FAM20A: variants seen among roughly 807,000 people sequenced by gnomAD.
FAM20A encodes the protein pseudokinase FAM20A.
FAM20A carries 42 observed loss-of-function variants against 52.0 expected under a neutral mutation model. The observed-to-expected ratio is 0.81, with a 90% CI of 0.63 to 1.04. The LOEUF is 1.04. Among genes scored for constraint, FAM20A ranks in the 50% least tolerant of loss-of-function variants. The pLI, the probability that FAM20A is intolerant of heterozygous loss-of-function variation, is 0.00. For synonymous variants in FAM20A, 304 were observed against 298.9 expected (o/e 1.02, Z -0.18); for missense variants, 742 against 712.7 (o/e 1.04, Z -0.47).
intron 1 of FAM20A, among the ~76,000 whole-genome samples, chr17:68,592,089 C>T (rs2907386): frequency 1.3e-5 from 2 of 152,136 alleles, no homozygotes; most frequent in African/African-American, 4.8e-5. Context: ...CAACTGGACT[C>T]AGTGGGATCC....
intron 1 of FAM20A, among the ~76,000 whole-genome samples, chr17:68,573,489 CCTTT>C (rs1381323463): frequency 6.9e-5 from 10 of 144,854 alleles, no homozygotes; most frequent in South Asian, 6.6e-4. Context: ...TTCTTTCTTT[CCTTT>C]CTTTCTCTCT....
At chr17:68,590,425 GAA>G (rs1276883172) in intron 1 of FAM20A, 2 of 151,656 alleles carry the variant, frequency 1.3e-5, no homozygotes, top group Non-Finnish European at 3.0e-5. Flanking sequence ...TTTTTCAGGA[GAA>G]AGAGACGTGA....
At chr17:68,577,593 G>A (rs2087810610) in intron 1 of FAM20A, among the ~76,000 whole-genome samples, 1 of 152,254 alleles carries the variant, frequency 6.6e-6, no homozygotes. Context: ...CCAAATGTCA[G>A]TAATGCTGAG....
chr17:68,584,550 G>A (rs2088114042), intron 1 of FAM20A, among the ~76,000 whole-genome samples: 1 of 152,156 alleles, frequency 6.6e-6, no homozygotes, highest in Admixed American at 6.5e-5. Flanking sequence ...TAGACGCAAA[G>A]GACAAGAAGC....
At position 68,537,874 on chromosome 17, in the gene FAM20A, T is replaced by C; in HGVS notation, c.1362-133A>G. 9.8e-7 allele frequency: 1 copy of C among 1,023,642 alleles called. No individual in the cohort carries two copies. The allele number at this position is 1,023,642 out of a possible 1,614,324, so 63.4% of individuals were successfully genotyped here. A position where few individuals can be genotyped will look rare whatever the true frequency, so the allele number is the denominator to read the frequency against. ...TCCTTGTGTCTTCTCAGGCACATTT[T>C]AATGGAAACCAGGTAAAAAGGGAAC... On this transcript the variant is annotated intron_variant, in intron 10 of 10. Coordinates refer to ENST00000592554, the MANE Select transcript of FAM20A (RefSeq NM_017565.4). The surrounding 1 kb of genome is among the most constrained non-coding windows in gnomAD (Gnocchi z 4.2).
At position 68,535,643 on chromosome 17, in the gene FAM20A, C is replaced by T. The variant is rs1381373903; in HGVS notation, c.*1834G>A. ...GGAAATCTTTGGGATTAAGGTTTCT[C>T]TGTTAAAGAGTTGATTTAAAAAAAA... is the stretch of plus-strand genomic sequence containing the variant. On this transcript the variant is annotated 3_prime_UTR_variant, in exon 11 of 11. Coordinates refer to ENST00000592554, the MANE Select transcript of FAM20A (RefSeq NM_017565.4). 2 of 452,862 alleles carry T rather than the reference C, an allele frequency of 4.4e-6. No homozygotes were observed. The highest frequency in any genetic ancestry group is 8.8e-6 in the Non-Finnish European group (2 of 226,452). 28.1% of individuals were successfully genotyped at this position (452,862 alleles called of 1,614,324 possible).
At chr17:68,539,693 C>T (rs933732682) in intron 9 of FAM20A, among the ~76,000 whole-genome samples, 192 bp downstream of exon 9, 2 of 152,226 alleles carry the variant, frequency 1.3e-5, no homozygotes, top group African/African-American at 4.8e-5. Flanking sequence ...TGCTCTCAGG[C>T]TGGAGGAGGA....
intron 4 of FAM20A, among the ~76,000 whole-genome samples, chr17:68,546,918 A>G (rs985628738): frequency 3.2e-4 from 48 of 151,934 alleles, no homozygotes; most frequent in African/African-American, 1.1e-3. Flanking sequence ...GTTAGCAGGC[A>G]TGAAAACAAC....
intron 3 of FAM20A, among the ~76,000 whole-genome samples, chr17:68,553,646 TG>T (rs992134739): frequency 1.3e-5 from 2 of 152,040 alleles, no homozygotes; most frequent in African/African-American, 2.4e-5. Context: ...TAGAATCACC[TG>T]GGCCTCACCG....
chr17:68,573,319 T>G (rs746688931), intron 1 of FAM20A, among the ~76,000 whole-genome samples: 5 of 152,260 alleles, frequency 3.3e-5, no homozygotes, highest in Non-Finnish European at 7.3e-5. Context: ...TTAGTGAGGA[T>G]TAAATGAATT....
Position 68,542,855 on chromosome 17 carries a change from TGAG to T in FAM20A, c.813-49_813-47del, listed in dbSNP as rs537459979. The T allele has an allele frequency of 2.6e-3, 3,849 of 1,459,582 alleles. 7 individuals carry two copies. The highest frequency in any genetic ancestry group is 3.2e-3 in the Non-Finnish European group (3,375 of 1,040,878). 90.4% of individuals were successfully genotyped at this position (1,459,582 alleles called of 1,614,324 possible). A position where few individuals can be genotyped will look rare whatever the true frequency, so the allele number is the denominator to read the frequency against. On this transcript the variant is annotated intron_variant, in intron 5 of 10. Coordinates refer to ENST00000592554, the MANE Select transcript of FAM20A (RefSeq NM_017565.4). ...TTCCATCTGAGGGATGATCAGGGAG[TGAG>T]GAGGAGGGGTTTTGTCCCCCGGCCA...
chr17:68,539,358 G>A lies in FAM20A; in HGVS notation c.1340C>T (p.Ser447Leu), dbSNP rs779624390. Residue 447 changes from serine to leucine, a missense_variant, in exon 10 of 11, where the codon TCG becomes TTG. Transcript: ENST00000592554. ...TTACATGCAGCACTGGGAGAGAGGC[G>A]AGAGGATGGAGATTTCATCATGGGA... The part of the protein sequence containing the change: ...RHSHDEISIL[S>L]PLSQCCMIKK... The A allele has an allele frequency of 1.1e-5, 17 of 1,614,058 alleles. No individual in the cohort carries two copies. The highest frequency in any genetic ancestry group is 1.3e-5 in the Non-Finnish European group (15 of 1,180,028).
At chr17:68,545,685 G>C (rs1478845394) in intron 4 of FAM20A, among the ~76,000 whole-genome samples, 3 of 152,164 alleles carry the variant, frequency 2.0e-5, no homozygotes, top group African/African-American at 7.2e-5. Flanking sequence ...AATGCTGTTT[G>C]ATAGCATTTT....
In FAM20A at chr17:68,554,832, A is replaced by T. The variant is rs779913321; in HGVS notation, c.590-5T>A. The T allele has an allele frequency of 5.6e-6, 9 of 1,613,980 alleles. No homozygotes were observed. In the East Asian group the frequency reaches 1.6e-4, roughly 28 times the overall value. On this transcript the variant is annotated splice_polypyrimidine_tract_variant and splice_region_variant and intron_variant, in intron 2 of 10. Coordinates refer to ENST00000592554, the MANE Select transcript of FAM20A (RefSeq NM_017565.4). ...CTTTCTCATCTTGACTGTAATCTGC[A>T]AAGGAGGAGAAGGGCAATGAGAACT...
At chr17:68,582,780 ATTTTTTTT>A (rs34025800) in intron 1 of FAM20A, among the ~76,000 whole-genome samples, 12 of 79,834 alleles carry the variant, frequency 1.5e-4, no homozygotes, top group South Asian at 5.6e-4. Flanking sequence ...GCCAGGATTA[ATTTTTTTT>A]TTTTTTTTTT....
At chr17:68,551,082 A>G in intron 4 of FAM20A, 1 of 1,234,356 alleles carries the variant, frequency 8.1e-7, no homozygotes, top group Non-Finnish European at 1.0e-6. Context: ...TCTTTTCTGC[A>G]GGTCACCTCA....
At chr17:68,583,051 C>T (rs2088058852) in intron 1 of FAM20A, among the ~76,000 whole-genome samples, 2 of 151,760 alleles carry the variant, frequency 1.3e-5, no homozygotes, top group South Asian at 4.2e-4. Context: ...CGTGATCCGC[C>T]CACCTCGGCC....
chr17:68,546,407 C>A (rs549754412), intron 4 of FAM20A, among the ~76,000 whole-genome samples: 81 of 152,114 alleles, frequency 5.3e-4, no homozygotes, highest in African/African-American at 1.8e-3. Flanking sequence ...TCCTTCCACG[C>A]ATCACAAATT....
At chr17:68,578,712 G>T (rs1006167358) in intron 1 of FAM20A, among the ~76,000 whole-genome samples, 1 of 151,510 alleles carries the variant, frequency 6.6e-6, no homozygotes, top group East Asian at 1.9e-4. Flanking sequence ...GTCTAGGCTC[G>T]GCCAGGTGCA....
Sources: gnomAD v4.1 joint callset for allele counts (sites outside exome capture counted in the v4.1 genomes callset) on GRCh38, gnomAD v4.1.1 for gene constraint, Gnocchi (gnomAD v3.1) non-coding constraint, MANE v1.5 for transcripts, NCBI Gene and HGNC (gene_info 2026-07-23, HGNC 2026-07-21) for gene names.